Variants in ROBO2 observed in about 807,000 individuals in gnomAD.
ROBO2 encodes roundabout homolog 2.
In ROBO2, 53 loss-of-function variants were observed where a neutral mutation model predicts 160.8. That is an observed-to-expected ratio of 0.33 (90% CI 0.26 to 0.41). ROBO2 has a LOEUF of 0.41. ROBO2 is among the 10% of genes least tolerant of loss of function. The probability of loss-of-function intolerance (pLI) is 1.00; values close to 1 mark genes in which losing one functional copy is unlikely to be tolerated. For synonymous variants in ROBO2, 664 were observed against 611.7 expected (o/e 1.09, Z -1.26); for missense variants, 1,577 against 1,722.4 (o/e 0.92, Z 1.49).
chr3:77,381,368 G>A (rs576039322), intron 2 of ROBO2, among the ~76,000 whole-genome samples: 2 of 152,096 alleles, frequency 1.3e-5, no homozygotes, highest in South Asian at 2.1e-4. Flanking sequence ...TGTTTCCATA[G>A]AATCTATAGA....
In ROBO2 at chr3:77,415,340, A is replaced by G. The variant is rs146191264; in HGVS notation, c.389-62074A>G. 2.4e-4 allele frequency among the ~76,000 whole-genome samples: 37 copies of G among 152,326 alleles called. No homozygotes were observed. The East Asian group carries it at 6.8e-3, about 28-fold the overall frequency. ...TTCTAAGGGGTATGAATATTTTTCT[A>G]TAAACATCAATGGTGACGTTAAGTA... On this transcript the variant is annotated intron_variant, in intron 2 of 25. Transcript: ENST00000461745.
chr3:77,442,447 T>G (rs1335492452), intron 2 of ROBO2, among the ~76,000 whole-genome samples: 1 of 152,166 alleles, frequency 6.6e-6, no homozygotes, highest in Non-Finnish European at 1.5e-5. Flanking sequence ...TTTTCAAACT[T>G]TTTTCACCCA....
intron 2 of ROBO2, among the ~76,000 whole-genome samples, chr3:76,623,717 C>T (rs1343506271): frequency 3.9e-5 from 6 of 152,182 alleles, no homozygotes; most frequent in Admixed American, 6.5e-5. Flanking sequence ...ATACCATTTG[C>T]ATTGAGTACC....
chr3:76,422,993 C>T lies in ROBO2; in HGVS notation c.109+485391C>T, dbSNP rs139123346. 4.3e-3 allele frequency among the ~76,000 whole-genome samples: 648 copies of T among 152,006 alleles called. 4 individuals are homozygous for T. The highest frequency in any genetic ancestry group is 0.014 in the African/African-American group (598 of 41,422). On this transcript the variant is annotated intron_variant, in intron 2 of 26. Coordinates refer to the ROBO2 transcript ENST00000487694. ...TCGGTAGGATACCTAAAGATGTAGG[C>T]GGAGGTAAGAGTCTTGCCCATATAG...
At chr3:77,464,171 A>C (rs769110334) in intron 2 of ROBO2, among the ~76,000 whole-genome samples, 9 of 152,218 alleles carry the variant, frequency 5.9e-5, no homozygotes, top group Non-Finnish European at 1.2e-4. Flanking sequence ...GACCTGTAAT[A>C]ATTTAATAAT....
chr3:76,949,533 GGT>G (rs1185595390), intron 2 of ROBO2, among the ~76,000 whole-genome samples: 3 of 152,136 alleles, frequency 2.0e-5, no homozygotes, highest in Non-Finnish European at 4.4e-5. Context: ...CCCTATTTAA[GGT>G]GTCCAAGACC....
intron 2 of ROBO2, among the ~76,000 whole-genome samples, chr3:76,408,757 C>T (rs2075340521): frequency 6.6e-6 from 1 of 152,014 alleles, no homozygotes; most frequent in Non-Finnish European, 1.5e-5. Flanking sequence ...TGTTAATACT[C>T]ATCCTCTATC....
intron 2 of ROBO2, among the ~76,000 whole-genome samples, chr3:76,389,694 A>C (rs1234062932): frequency 6.6e-6 from 1 of 152,206 alleles, no homozygotes; most frequent in African/African-American, 2.4e-5. Context: ...GGCTGTTTTC[A>C]AATTTGATGG....
At chr3:77,380,618 C>A (rs1403675965) in intron 2 of ROBO2, among the ~76,000 whole-genome samples, 2 of 151,928 alleles carry the variant, frequency 1.3e-5, no homozygotes, top group Non-Finnish European at 2.9e-5. Flanking sequence ...GATATCTAAA[C>A]GTTCTTTGGC....
At chr3:76,247,236 T>C (rs555576733) in intron 2 of ROBO2, among the ~76,000 whole-genome samples, 2 of 152,260 alleles carry the variant, frequency 1.3e-5, no homozygotes, top group African/African-American at 4.8e-5. Context: ...GTAAAATCAA[T>C]TGTGAGTTAG....
At chr3:76,905,489 A>G (rs1489279242) in intron 2 of ROBO2, among the ~76,000 whole-genome samples, 2 of 152,150 alleles carry the variant, frequency 1.3e-5, no homozygotes, top group Non-Finnish European at 2.9e-5. Context: ...GTTTGTTCCC[A>G]TTAGTCCAAA....
Position 76,554,870 on chromosome 3 carries a change from G to GA in ROBO2, c.110-543137dup, listed in dbSNP as rs533035219. 3.0e-4 allele frequency among the ~76,000 whole-genome samples: 46 copies of GA among 151,904 alleles called. 2 individuals carry two copies. The highest frequency in any genetic ancestry group is 2.5e-3 in the South Asian group (12 of 4,810). On this transcript the variant is annotated intron_variant, in intron 2 of 26. Coordinates refer to the ROBO2 transcript ENST00000487694. Reference sequence around the variant, plus strand: ...ACAATCCTACAGTGGGAGAATCAGGGAAAAAAATCACATTACTGAAAAAGG... The same window carrying GA: ...ACAATCCTACAGTGGGAGAATCAGGGAAAAAAAATCACATTACTGAAAAAGG...
chr3:77,639,169 C>T (rs185715639), intron 24 of ROBO2, among the ~76,000 whole-genome samples: 8 of 152,208 alleles, frequency 5.3e-5, no homozygotes, highest in African/African-American at 1.9e-4. Flanking sequence ...AGAGAAGGGG[C>T]TCTTTCTCAG....
At chr3:76,719,850 C>T (rs1192338925) in intron 2 of ROBO2, among the ~76,000 whole-genome samples, 2 of 149,012 alleles carry the variant, frequency 1.3e-5, no homozygotes, top group Non-Finnish European at 3.0e-5. Context: ...CGCCACTGCA[C>T]TCCAGCCTGG....
intron 2 of ROBO2, among the ~76,000 whole-genome samples, chr3:76,802,360 C>A (rs2064265111): frequency 6.6e-6 from 1 of 152,102 alleles, no homozygotes; most frequent in African/African-American, 2.4e-5. Flanking sequence ...ATTAGTTTAC[C>A]ATGAATTTAC....
intron 2 of ROBO2, among the ~76,000 whole-genome samples, chr3:76,117,568 A>G (rs1475860226): frequency 2.0e-5 from 3 of 152,192 alleles, no homozygotes; most frequent in Admixed American, 6.5e-5. Flanking sequence ...CTTGGTTCCA[A>G]TATCACATCA....
At chr3:76,003,154 T>A (rs1469317930) in intron 2 of ROBO2, among the ~76,000 whole-genome samples, 1 of 152,190 alleles carries the variant, frequency 6.6e-6, no homozygotes, top group Non-Finnish European at 1.5e-5. Context: ...GCTTACACTT[T>A]CTTTTCTGTT....
At chr3:77,106,985 A>AGTCT (rs1184030378) in intron 2 of ROBO2, among the ~76,000 whole-genome samples, 1 of 152,220 alleles carries the variant, frequency 6.6e-6, no homozygotes, top group Non-Finnish European at 1.5e-5. Flanking sequence ...TGGATGTCTT[A>AGTCT]GTCTGTTCAA....
At chr3:75,963,115 G>A (rs1260856485) in intron 2 of ROBO2, among the ~76,000 whole-genome samples, 1 of 151,768 alleles carries the variant, frequency 6.6e-6, no homozygotes, top group Non-Finnish European at 1.5e-5. Context: ...AAAAATCAGA[G>A]CAAAATATAA....
Sources: gnomAD v4.1 joint callset for allele counts (sites outside exome capture counted in the v4.1 genomes callset) on GRCh38, gnomAD v4.1.1 for gene constraint, MANE v1.5 for transcripts, NCBI Gene and HGNC (gene_info 2026-07-23, HGNC 2026-07-21) for gene names.